The following ZBTB20 variants were observed in gnomAD, a reference collection of about 807,000 sequenced individuals.
The protein encoded by ZBTB20 is zinc finger and BTB domain-containing protein 20.
In ZBTB20, 9 loss-of-function variants were observed where a neutral mutation model predicts 56.9. The ratio of observed to expected loss-of-function variants is 0.16; its 90% CI spans 0.10 to 0.28. The LOEUF is 0.28. Among genes scored for constraint, ZBTB20 ranks in the 10% least tolerant of loss-of-function variants. The pLI is 1.00. For missense variants in ZBTB20, 655 were observed against 1,003.0 expected (o/e 0.65, Z 4.69); for synonymous variants, 417 against 420.7 (o/e 0.99, Z 0.11).
intron 6 of ZBTB20, among the ~76,000 whole-genome samples, chr3:114,569,500 C>T (rs2053179488): frequency 6.6e-6 from 1 of 152,206 alleles, no homozygotes; most frequent in African/African-American, 2.4e-5. Context: ...CTCTCTGGCT[C>T]TTACATTCTA....
Position 114,318,473 on chromosome 3 carries a change from G to T in ZBTB20, c.*20532C>A, listed in dbSNP as rs1417887069. On this transcript the variant is annotated 3_prime_UTR_variant, in exon 12 of 12. Transcript: ENST00000675478. Reference sequence around the variant, plus strand: ...AGGAGGCGTGCTCTCCTCAGGCAGTGTTAGCAGTGTGCTCTCTTGGCAGCC... The same window carrying T: ...AGGAGGCGTGCTCTCCTCAGGCAGTTTTAGCAGTGTGCTCTCTTGGCAGCC... 1 of 152,398 alleles carries T rather than the reference G, an allele frequency of 6.6e-6. No individual in the cohort carries two copies. Among genetic ancestry groups the T allele is most frequent in the Non-Finnish European group, 1.5e-5 (1 of 68,140 alleles). 9.4% of individuals were successfully genotyped at this position (152,398 alleles called of 1,614,324 possible).
rs887667769 is a variant in ZBTB20 at position 114,336,477 on chromosome 3, A to G, written c.*2528T>C. The G allele has an allele frequency of 4.6e-5, 7 of 152,190 alleles. No homozygotes were observed. The highest frequency in any genetic ancestry group is 1.4e-4 in the African/African-American group (6 of 41,438). 9.4% of individuals were successfully genotyped at this position (152,190 alleles called of 1,614,324 possible). The stretch of plus-strand genomic sequence containing the variant: ...GGCAGGACTCCTCTTAGAAATCACA[A>G]TAGGTTACACTTAATAGTCAGTTAA... On this transcript the variant is annotated 3_prime_UTR_variant, in exon 12 of 12. Transcript: ENST00000675478.
At chr3:114,384,028 TC>T (rs1207361380) in intron 8 of ZBTB20, among the ~76,000 whole-genome samples, 1 of 151,866 alleles carries the variant, frequency 6.6e-6, no homozygotes, top group Admixed American at 6.6e-5. Flanking sequence ...ACCAGAACCT[TC>T]CTCCTGGTCA....
chr3:115,142,927 G>A (rs1460125629), intron 1 of ZBTB20, among the ~76,000 whole-genome samples: 1 of 152,084 alleles, frequency 6.6e-6, no homozygotes, highest in East Asian at 1.9e-4. Context: ...GCTGGAGGAG[G>A]GAGGATTGTA....
chr3:114,577,239 TCTAA>T (rs531808685), intron 6 of ZBTB20, among the ~76,000 whole-genome samples: 262 of 152,120 alleles, frequency 1.7e-3, no homozygotes, highest in African/African-American at 5.4e-3. Context: ...AAATGATGTA[TCTAA>T]CTATGTACCC....
intron 4 of ZBTB20, among the ~76,000 whole-genome samples, chr3:114,860,952 C>T (rs930585770): frequency 3.3e-5 from 5 of 152,190 alleles, no homozygotes; most frequent in Non-Finnish European, 7.3e-5. Flanking sequence ...TTGTATAAGG[C>T]AAGTATGTGT....
At chr3:114,397,184 C>G (rs114453685) in intron 7 of ZBTB20, among the ~76,000 whole-genome samples, 2 of 152,100 alleles carry the variant, frequency 1.3e-5, no homozygotes, top group Non-Finnish European at 2.9e-5. Flanking sequence ...TCCATTTGCT[C>G]CCACTCTCAG....
chr3:114,519,001 A>G (rs545104743), intron 6 of ZBTB20: 3 of 152,318 alleles, frequency 2.0e-5, no homozygotes, highest in South Asian at 4.1e-4. Context: ...CTTTGTTTCT[A>G]TTGGGCTGTA....
At chr3:114,459,880 A>C (rs975425684) in intron 7 of ZBTB20, among the ~76,000 whole-genome samples, 1 of 152,114 alleles carries the variant, frequency 6.6e-6, no homozygotes, top group Non-Finnish European at 1.5e-5. Flanking sequence ...TCAAAAGAAA[A>C]GTGGACAAGA....
At chr3:114,340,489 G>C (rs1218530324) in intron 11 of ZBTB20, among the ~76,000 whole-genome samples, 9 of 152,110 alleles carry the variant, frequency 5.9e-5, no homozygotes, top group Non-Finnish European at 1.3e-4. Context: ...TTACTGCTTT[G>C]GTTTGGCTTA....
intron 5 of ZBTB20, among the ~76,000 whole-genome samples, chr3:114,762,876 GCTGT>G (rs2068535930): frequency 6.6e-6 from 1 of 152,074 alleles, no homozygotes; most frequent in Non-Finnish European, 1.5e-5. Flanking sequence ...TTCCTTACTG[GCTGT>G]CTGAGTCTCT....
chr3:114,712,062 G>A lies in ZBTB20; in HGVS notation c.-342-18487C>T, dbSNP rs2064122559. Among the ~76,000 whole-genome samples, 3 of 152,232 alleles carry A rather than the reference G, an allele frequency of 2.0e-5. No homozygotes were observed. In the South Asian group the frequency reaches 6.2e-4, roughly 32 times the overall value. On this transcript the variant is annotated intron_variant, in intron 5 of 11. Transcript: ENST00000675478. ...AAGGATAGAGAAGTTAGAAGTCCTG[G>A]CAGCGATCAGTGAGTATTAAAGAAT... is the stretch of plus-strand genomic sequence containing the variant.
intron 4 of ZBTB20, among the ~76,000 whole-genome samples, chr3:114,838,741 AT>A (rs938362402): frequency 1.0e-4 from 15 of 150,596 alleles, no homozygotes; most frequent in African/African-American, 2.2e-4. Context: ...ACTATTCCAT[AT>A]TTTTTTTTAA....
intron 2 of ZBTB20, among the ~76,000 whole-genome samples, chr3:114,995,797 T>G (rs970812801): frequency 6.6e-6 from 1 of 151,860 alleles, no homozygotes; most frequent in Non-Finnish European, 1.5e-5. Flanking sequence ...ATATTTATTT[T>G]GTAGGATACT....
At chr3:114,891,837 A>G (rs756879726) in intron 4 of ZBTB20, among the ~76,000 whole-genome samples, 5 of 152,172 alleles carry the variant, frequency 3.3e-5, no homozygotes, top group Non-Finnish European at 7.3e-5. Context: ...GCCTGAGCTC[A>G]GGAGTTTGAG....
intron 2 of ZBTB20, among the ~76,000 whole-genome samples, chr3:114,991,970 C>T (rs2078832006): frequency 1.3e-5 from 2 of 151,854 alleles, no homozygotes; most frequent in African/African-American, 4.8e-5. Context: ...GATCTTCCTC[C>T]ATCCCTTTAT....
chr3:114,614,882 C>G (rs553995932), intron 6 of ZBTB20, among the ~76,000 whole-genome samples: 2 of 152,036 alleles, frequency 1.3e-5, no homozygotes, highest in South Asian at 2.1e-4. Flanking sequence ...CTTAGCCTCC[C>G]GAGTAGCTGG....
At chr3:115,090,756 C>A (rs2083159909) in intron 1 of ZBTB20, among the ~76,000 whole-genome samples, 1 of 151,696 alleles carries the variant, frequency 6.6e-6, no homozygotes, top group South Asian at 2.1e-4. Flanking sequence ...CTTACAATAA[C>A]CTTGTGAGGT....
At chr3:115,119,991 T>TA (rs891177345) in intron 1 of ZBTB20, among the ~76,000 whole-genome samples, 8 of 149,990 alleles carry the variant, frequency 5.3e-5, no homozygotes, top group Middle Eastern at 6.9e-3. Flanking sequence ...GGAGACAGCT[T>TA]AAAAAAAAAA....
Sources: gnomAD v4.1 joint callset for allele counts (sites outside exome capture counted in the v4.1 genomes callset) on GRCh38, gnomAD v4.1.1 for gene constraint, MANE v1.5 for transcripts, NCBI Gene and HGNC (gene_info 2026-07-23, HGNC 2026-07-21) for gene names.